RALYL: variants seen among roughly 807,000 people sequenced by gnomAD.
The protein encoded by RALYL is RALY RNA binding protein like.
Under a neutral mutation model 35.1 loss-of-function variants are expected in RALYL, and 29 were observed. That is an observed-to-expected ratio of 0.83 (90% confidence interval 0.61 to 1.13). RALYL has a LOEUF of 1.13. RALYL is among the 50% of genes most tolerant of loss of function. RALYL has a pLI of 0.00. For synonymous variants in RALYL, 120 were observed against 127.6 expected (o/e 0.94, Z 0.40); for missense variants, 359 against 360.4 (o/e 1.00, Z 0.03).
intron 2 of RALYL, among the ~76,000 whole-genome samples, chr8:84,615,161 C>T (rs761147341): frequency 7.3e-5 from 11 of 151,558 alleles, no homozygotes; most frequent in East Asian, 3.9e-4. Flanking sequence ...TAGTTTTTTA[C>T]GGAAATATTT....
chr8:84,731,565 T>C (rs189122789), intron 2 of RALYL, among the ~76,000 whole-genome samples: 1 of 152,254 alleles, frequency 6.6e-6, no homozygotes, highest in East Asian at 1.9e-4. Context: ...TCCAATTCTC[T>C]CCACTTTCAC....
intron 1 of RALYL, among the ~76,000 whole-genome samples, chr8:84,326,572 AG>A (rs1490813739): frequency 2.5e-4 from 38 of 152,338 alleles, no homozygotes; most frequent in African/African-American, 8.2e-4. Context: ...CATAACGAAA[AG>A]GAATATTTTT....
intron 1 of RALYL, among the ~76,000 whole-genome samples, chr8:84,367,943 G>T (rs1230158600): frequency 6.6e-6 from 1 of 152,094 alleles, no homozygotes; most frequent in African/African-American, 2.4e-5. Flanking sequence ...CTTAAAAAAA[G>T]TCACCTTTTC....
chr8:84,756,170 A>T (rs894207239), intron 2 of RALYL, among the ~76,000 whole-genome samples: 2 of 152,078 alleles, frequency 1.3e-5, no homozygotes, highest in Non-Finnish European at 2.9e-5. Flanking sequence ...TCCCCCCCAA[A>T]AAAACCAATA....
intron 2 of RALYL, among the ~76,000 whole-genome samples, chr8:84,672,496 C>A (rs753586271): frequency 6.6e-6 from 1 of 152,176 alleles, no homozygotes; most frequent in African/African-American, 2.4e-5. Flanking sequence ...TACAGCAGCA[C>A]CCCATTACTT....
In RALYL at chr8:84,650,798, A is replaced by G. The variant is rs1457029482; in HGVS notation, c.256+121221A>G. Among the ~76,000 whole-genome samples the G allele has an allele frequency of 2.0e-5, 3 of 152,080 alleles. No homozygotes were observed. The East Asian group carries it at 5.8e-4, about 29-fold the overall frequency. ...GTATGTTTATTGCAGCACTATTCAC[A>G]ATAGCAAAGACTTGGAACCAACCCA... is the stretch of plus-strand genomic sequence containing the variant. On this transcript the variant is annotated intron_variant, in intron 2 of 8. Coordinates refer to ENST00000521268, the MANE Select transcript of RALYL (RefSeq NM_173848.7).
At chr8:84,248,399 G>A (rs141284328) in intron 1 of RALYL, among the ~76,000 whole-genome samples, 1 of 152,168 alleles carries the variant, frequency 6.6e-6, no homozygotes, top group African/African-American at 2.4e-5. Flanking sequence ...TCTTTCCCAA[G>A]GGATAGCACT....
intron 2 of RALYL, among the ~76,000 whole-genome samples, chr8:84,758,397 A>G (rs936119435): frequency 1.3e-5 from 2 of 152,208 alleles, no homozygotes; most frequent in African/African-American, 2.4e-5. Context: ...CCAAAATATC[A>G]TAGCCCAAAA....
chr8:84,439,909 C>T (rs1427421590), intron 1 of RALYL, among the ~76,000 whole-genome samples: 1 of 152,058 alleles, frequency 6.6e-6, no homozygotes, highest in Non-Finnish European at 1.5e-5. Flanking sequence ...CGGTAATCTT[C>T]ACTGGTTACC....
At chr8:84,853,391 G>T (rs1449514837) in intron 5 of RALYL, among the ~76,000 whole-genome samples, 2 of 152,186 alleles carry the variant, frequency 1.3e-5, no homozygotes, top group African/African-American at 4.8e-5. Context: ...GAGATAGATC[G>T]ACAGATAGAT....
At position 84,552,358 on chromosome 8, in the gene RALYL, A is replaced by ATATAT. The variant is rs60915927; in HGVS notation, c.256+22782_256+22783insATATT. 4.0e-3 allele frequency among the ~76,000 whole-genome samples: 124 copies of ATATAT among 30,654 alleles called. 4 individuals are homozygous for ATATAT. The highest frequency in any genetic ancestry group is 4.3e-3 in the Non-Finnish European group (75 of 17,272). The allele number at this position is 30,654 out of a possible 152,430, so 20.1% of individuals were successfully genotyped here. A position where few individuals can be genotyped will look rare whatever the true frequency, so the allele number is the denominator to read the frequency against. The stretch of plus-strand genomic sequence containing the variant: ...TGTGTGTATATATATATATATATAT[A>ATATAT]TTTTTTTTTTTTTTTTTTTTTTTTT... On this transcript the variant is annotated intron_variant, in intron 2 of 8. Transcript: ENST00000521268.
At chr8:84,301,000 T>G (rs1210521216) in intron 1 of RALYL, among the ~76,000 whole-genome samples, 3 of 152,096 alleles carry the variant, frequency 2.0e-5, no homozygotes, top group Non-Finnish European at 2.9e-5. Context: ...TGTATGTAAG[T>G]GTGTTTTTGG....
intron 2 of RALYL, among the ~76,000 whole-genome samples, chr8:84,617,729 T>A (rs1434236763): frequency 1.3e-5 from 2 of 151,286 alleles, no homozygotes; most frequent in African/African-American, 4.9e-5. Context: ...GGCTGTGGAT[T>A]TGTCATAGAT....
chr8:84,564,448 A>T (rs2061652574), intron 2 of RALYL, among the ~76,000 whole-genome samples: 1 of 151,732 alleles, frequency 6.6e-6, no homozygotes, highest in Non-Finnish European at 1.5e-5. Context: ...TCCCAAGCTT[A>T]TAACCTGCAT....
At chr8:84,271,016 AT>A (rs927300547) in intron 1 of RALYL, among the ~76,000 whole-genome samples, 3 of 152,118 alleles carry the variant, frequency 2.0e-5, no homozygotes, top group Non-Finnish European at 4.4e-5. Context: ...CAAATTATGG[AT>A]TTTTTTAAGG....
chr8:84,566,276 A>G (rs1036126443), intron 2 of RALYL, among the ~76,000 whole-genome samples: 1 of 151,682 alleles, frequency 6.6e-6, no homozygotes, highest in South Asian at 2.1e-4. Flanking sequence ...ACTGGAACAA[A>G]AAAATGACAA....
In RALYL at chr8:84,906,579, C is replaced by T. The variant is rs545140982; in HGVS notation, c.859-14315C>T. Among the ~76,000 whole-genome samples, 4 of 152,092 alleles carry T rather than the reference C, an allele frequency of 2.6e-5. No homozygotes were observed. The East Asian group carries it at 7.7e-4, about 29-fold the overall frequency. ...AAAGAAAGTGGGGCACTTTTCTTCC[C>T]CAACTTTTTTCATACCTCAACAGAC... On this transcript the variant is annotated intron_variant, in intron 8 of 8. Transcript: ENST00000521268.
intron 2 of RALYL, among the ~76,000 whole-genome samples, chr8:84,704,372 C>T (rs764377645): frequency 4.6e-5 from 7 of 151,722 alleles, no homozygotes; most frequent in Admixed American, 3.3e-4. Context: ...TTGCAGTGAG[C>T]CTAGATCGCA....
chr8:84,713,113 A>T (rs1321962810), intron 2 of RALYL, among the ~76,000 whole-genome samples: 1 of 151,948 alleles, frequency 6.6e-6, no homozygotes, highest in African/African-American at 2.4e-5. Context: ...TTAATTCTTT[A>T]GTTCATTGTA....
Sources: allele counts gnomAD v4.1 joint callset (sites outside exome capture counted in the v4.1 genomes callset), GRCh38; gene constraint gnomAD v4.1.1; transcripts MANE v1.5; gene names NCBI Gene and HGNC (gene_info 2026-07-23, HGNC 2026-07-21).